Variants in PPP2R2C observed in about 807,000 individuals in gnomAD.
PPP2R2C encodes protein phosphatase 2, regulatory subunit B, gamma.
In PPP2R2C, 10 loss-of-function variants were observed where a neutral mutation model predicts 45.3. That is an observed-to-expected ratio of 0.22 (90% confidence interval 0.14 to 0.37). The LOEUF is 0.37. PPP2R2C is among the 10% of genes least tolerant of loss of function. PPP2R2C has a pLI of 1.00. For synonymous variants in PPP2R2C, 257 were observed against 245.4 expected (o/e 1.05, Z -0.44); for missense variants, 308 against 619.7 (o/e 0.50, Z 5.34).
intron 1 of PPP2R2C, among the ~76,000 whole-genome samples, chr4:6,553,085 C>G (rs1291502744): frequency 6.6e-6 from 1 of 152,212 alleles, no homozygotes; most frequent in African/African-American, 2.4e-5. Context: ...GGCTGTTACT[C>G]CCTGGGCTGA....
At chr4:6,542,968 A>C (rs1001874253) in intron 1 of PPP2R2C, among the ~76,000 whole-genome samples, 1 of 152,196 alleles carries the variant, frequency 6.6e-6, no homozygotes, top group Non-Finnish European at 1.5e-5. Context: ...ACCCAACAGG[A>C]AAAAAAGCAG....
At position 6,368,679 on chromosome 4, in the gene PPP2R2C, A is replaced by G. The variant is rs1470779062; in HGVS notation, c.625+3844T>C. Among the ~76,000 whole-genome samples the G allele has an allele frequency of 2.0e-5, 3 of 152,004 alleles. No homozygotes were observed. The highest frequency in any genetic ancestry group is 4.4e-5 in the Non-Finnish European group (3 of 68,002). ...CAAAACTGGTTATGATACAATCCAA[A>G]TCTATGACACCTCCATCCTTACAAT... is the stretch of plus-strand genomic sequence containing the variant. On this transcript the variant is annotated intron_variant, in intron 5 of 8. Coordinates refer to ENST00000382599, the MANE Select transcript of PPP2R2C (RefSeq NM_020416.4). The surrounding 1 kb of genome is among the most constrained non-coding windows in gnomAD (Gnocchi z 4.2).
In PPP2R2C at chr4:6,347,938, T is replaced by C. The variant is rs1185518267; in HGVS notation, c.698A>G (p.His233Arg). 2 of 1,613,936 alleles carry C rather than the reference T, an allele frequency of 1.2e-6. No homozygotes were observed. The highest frequency in any genetic ancestry group is 1.3e-5 in the African/African-American group (1 of 74,960). ...GCTGTAGACGAAGAGGTTGCAGTGGTGCGGATGGAACTCAGATGCTGTGAT... is the reference window on the plus strand; with the variant it reads ...GCTGTAGACGAAGAGGTTGCAGTGGCGCGGATGGAACTCAGATGCTGTGAT... ...EVITASEFHP[H>R]HCNLFVYSSS... The change falls in exon 6 of 9, where the codon CAC becomes CGC. Residue 233 changes from histidine (H) to arginine (R), a missense_variant. Coordinates refer to ENST00000382599, the MANE Select transcript of PPP2R2C (RefSeq NM_020416.4).
chr4:6,402,771 G>A (rs1030579181), intron 1 of PPP2R2C, among the ~76,000 whole-genome samples: 1 of 152,236 alleles, frequency 6.6e-6, no homozygotes, highest in Non-Finnish European at 1.5e-5. Context: ...ATAACCTGAA[G>A]GGTCAGAAAG....
rs1725239776 is a variant in PPP2R2C at position 6,553,168 on chromosome 4, GC to G, written c.-59+10391del. On this transcript the variant is annotated intron_variant, in intron 1 of 9. Coordinates refer to the PPP2R2C transcript ENST00000506140. ...ACAAGCTGTGACCATGGAGAGCACAGCCGACCCTAGGATTGCAGCGCCACCG... is the reference window on the plus strand; with the variant it reads ...ACAAGCTGTGACCATGGAGAGCACAGCGACCCTAGGATTGCAGCGCCACCG... Among the ~76,000 whole-genome samples, 3 of 152,340 alleles carry G rather than the reference GC, an allele frequency of 2.0e-5. No individual in the cohort carries two copies. The South Asian group carries it at 6.2e-4, about 32-fold the overall frequency.
Position 6,381,008 on chromosome 4 carries a change from G to A in PPP2R2C, c.157C>T (p.Arg53Trp), listed in dbSNP as rs762909236. The change falls in exon 2 of 9, where the codon CGG becomes TGG. Residue 53 changes from arginine (R) to tryptophan (W), a missense_variant. Physicochemically the swap from Arg to Trp is moderately radical, Grantham distance 101 (BLOSUM62 -3). Coordinates refer to ENST00000382599, the MANE Select transcript of PPP2R2C (RefSeq NM_020416.4). ...CCAGGGCTTCGCACCTCTGGTTCCC[G>A]CTGGAAGATGACGACCCGGCCGCCC... Reference protein sequence around the residue: ...DKGGRVVIFQREPESKNAPHS... With the variant: ...DKGGRVVIFQWEPESKNAPHS... 12 of 1,490,992 alleles carry A rather than the reference G, an allele frequency of 8.0e-6. No individual in the cohort carries two copies. Among genetic ancestry groups the A allele is most frequent in the Admixed American group, 1.9e-5 (1 of 51,864 alleles). 92.4% of individuals were successfully genotyped at this position (1,490,992 alleles called of 1,614,324 possible).
At chr4:6,492,612 C>G (rs1316659309) in intron 2 of PPP2R2C, among the ~76,000 whole-genome samples, 1 of 152,212 alleles carries the variant, frequency 6.6e-6, no homozygotes, top group Non-Finnish European at 1.5e-5. Context: ...CTGGAGCCCT[C>G]TGTATAATTC....
chr4:6,523,857 G>C (rs886374693), intron 2 of PPP2R2C, among the ~76,000 whole-genome samples: 1 of 152,180 alleles, frequency 6.6e-6, no homozygotes, highest in Non-Finnish European at 1.5e-5. Context: ...GCAAAATGTG[G>C]TCCACTCATA....
intron 1 of PPP2R2C, among the ~76,000 whole-genome samples, chr4:6,397,874 C>T (rs1485373860): frequency 6.6e-6 from 1 of 152,166 alleles, no homozygotes; most frequent in Non-Finnish European, 1.5e-5. Flanking sequence ...TAAAGGAACA[C>T]AGTTGGAGGA....
chr4:6,456,919 G>C (rs1197683703), intron 1 of PPP2R2C, among the ~76,000 whole-genome samples: 1 of 152,172 alleles, frequency 6.6e-6, no homozygotes, highest in African/African-American at 2.4e-5. Context: ...CCATAAAAAT[G>C]AGCATGAGCC....
At chr4:6,504,869 A>T (rs752607538) in intron 2 of PPP2R2C, among the ~76,000 whole-genome samples, 11 of 152,156 alleles carry the variant, frequency 7.2e-5, no homozygotes, top group Non-Finnish European at 1.5e-4. Flanking sequence ...CAAAAGAACG[A>T]GGCACAAAAG....
chr4:6,544,079 G>T (rs1724896231), intron 1 of PPP2R2C, among the ~76,000 whole-genome samples: 1 of 152,026 alleles, frequency 6.6e-6, no homozygotes, highest in African/African-American at 2.4e-5. Context: ...CCTCACCCTG[G>T]CCCCATTTGT....
intron 1 of PPP2R2C, among the ~76,000 whole-genome samples, chr4:6,447,838 G>A (rs949734046): frequency 2.6e-5 from 4 of 152,266 alleles, no homozygotes; most frequent in Admixed American, 6.5e-5. Flanking sequence ...TAACAGCAGC[G>A]CAAGCACATC....
At chr4:6,349,856 A>G (rs536992406) in intron 5 of PPP2R2C, 128 of 969,356 alleles carry the variant, frequency 1.3e-4, no homozygotes, top group Non-Finnish European at 1.5e-4. Context: ...GCACCATTAT[A>G]TTCCAGCCTG....
At chr4:6,554,938 A>AAG (rs1725323605) in intron 1 of PPP2R2C, among the ~76,000 whole-genome samples, 1 of 65,716 alleles carries the variant, frequency 1.5e-5, no homozygotes, top group Non-Finnish European at 3.1e-5. Flanking sequence ...AAGGAAAGAA[A>AAG]GAAAGAAAGA....
chr4:6,328,826 G>C lies in PPP2R2C; in HGVS notation c.1052+436C>G, dbSNP rs973421572. On this transcript the variant is annotated intron_variant, in intron 8 of 8. Coordinates refer to ENST00000382599, the MANE Select transcript of PPP2R2C (RefSeq NM_020416.4). The surrounding 1 kb of genome is among the most constrained non-coding windows in gnomAD (Gnocchi z 4.4). Reference sequence around the variant, plus strand: ...ACCAGGAAGAGAGGGAGACAGTAGTGGTGATGGGAGGAGGGGTGAGTAGAC... The same window carrying C: ...ACCAGGAAGAGAGGGAGACAGTAGTCGTGATGGGAGGAGGGGTGAGTAGAC... Among the ~76,000 whole-genome samples, 2 of 152,186 alleles carry C rather than the reference G, an allele frequency of 1.3e-5. No homozygotes were observed. Among genetic ancestry groups the C allele is most frequent in the African/African-American group, 4.8e-5 (2 of 41,454 alleles).
At chr4:6,546,540 T>C (rs544379521) in intron 1 of PPP2R2C, among the ~76,000 whole-genome samples, 5 of 152,102 alleles carry the variant, frequency 3.3e-5, no homozygotes, top group African/African-American at 1.2e-4. Flanking sequence ...AGCTGGTGAG[T>C]GGTAGATTCT....
In PPP2R2C at chr4:6,487,396, G is replaced by T. The variant is rs372388523; in HGVS notation, c.49+47875C>A. Among the ~76,000 whole-genome samples, 28 of 151,748 alleles carry T rather than the reference G, an allele frequency of 1.8e-4. 1 individual carries two copies. Among genetic ancestry groups the T allele is most frequent in the African/African-American group, 6.3e-4 (26 of 41,378 alleles). Reference sequence around the variant, plus strand: ...TTAACATTTCTTGTACTACAGGCCTGCTAGTTATGAATTCTTTAAGCCGTT... The same window carrying T: ...TTAACATTTCTTGTACTACAGGCCTTCTAGTTATGAATTCTTTAAGCCGTT... On this transcript the variant is annotated intron_variant, in intron 2 of 9. Transcript: ENST00000506140.
chr4:6,429,022 T>C lies in PPP2R2C; in HGVS notation c.70+43138A>G, dbSNP rs986425234. On this transcript the variant is annotated intron_variant, in intron 1 of 8. Transcript: ENST00000382599. ...CCAATATTTTAGGCTTCGTGGGACA[T>C]ATGTCCTCTTTGGCAACTCTGCACC... Among the ~76,000 whole-genome samples, 3 of 152,264 alleles carry C rather than the reference T, an allele frequency of 2.0e-5. No individual in the cohort carries two copies. The East Asian group carries it at 5.8e-4, about 29-fold the overall frequency.
Sources: allele counts gnomAD v4.1 joint callset (sites outside exome capture counted in the v4.1 genomes callset), GRCh38; gene constraint gnomAD v4.1.1; non-coding constraint Gnocchi (gnomAD v3.1); transcripts MANE v1.5; gene names NCBI Gene and HGNC (gene_info 2026-07-23, HGNC 2026-07-21).